Variants in RACGAP1 observed in about 807,000 individuals in gnomAD.
RACGAP1 encodes the protein rac GTPase-activating protein 1.
RACGAP1 carries 30 observed loss-of-function variants against 78.1 expected under a neutral mutation model. That is an observed-to-expected ratio of 0.38 (90% confidence interval 0.29 to 0.52). The LOEUF (loss-of-function observed/expected upper bound fraction) is 0.52. Among genes scored for constraint, RACGAP1 ranks in the 20% least tolerant of loss-of-function variants. The pLI is 0.82. For synonymous variants in RACGAP1, 231 were observed against 264.8 expected (o/e 0.87, Z 1.24); for missense variants, 587 against 777.1 (o/e 0.76, Z 2.91).
At position 49,999,642 on chromosome 12, in the gene RACGAP1, T is replaced by C; in HGVS notation, c.722A>G (p.Tyr241Cys). 1 of 1,614,128 alleles carries C rather than the reference T, an allele frequency of 6.2e-7. No individual in the cohort carries two copies. Among genetic ancestry groups the C allele is most frequent in the South Asian group, 1.1e-5 (1 of 91,080 alleles). The change falls in exon 8 of 17, where the codon TAT (tyrosine) becomes TGT (cysteine). Residue 241 changes from tyrosine (Y) to cysteine (C), a missense_variant. Physicochemically the swap from Tyr to Cys is radical, Grantham distance 194 (BLOSUM62 -2). Coordinates refer to ENST00000312377, the MANE Select transcript of RACGAP1 (RefSeq NM_001319999.2). ...TGTTTTCCTTCGGCTCCTGGTCCAA[T>C]ATGGCACAGTCTCAATAGTGGACAC... The part of the protein sequence containing the change: ...EAVSTIETVP[Y>C]WTRSRRKTGT...
intron 1 of RACGAP1, among the ~76,000 whole-genome samples, chr12:50,032,207 G>T (rs1280573733): frequency 6.6e-6 from 1 of 152,078 alleles, no homozygotes; most frequent in East Asian, 1.9e-4. Context: ...AGGAATAAAT[G>T]AGTTATCCTT....
intron 1 of RACGAP1, among the ~76,000 whole-genome samples, chr12:50,020,013 C>T (rs993929428): frequency 2.6e-5 from 4 of 152,054 alleles, no homozygotes; most frequent in African/African-American, 9.7e-5. Flanking sequence ...AGGTGTTTTC[C>T]CCCCTAGGCT....
At position 49,996,941 on chromosome 12, in the gene RACGAP1, T is replaced by C. The variant is rs1283272182; in HGVS notation, c.1044+99A>G. The C allele has an allele frequency of 2.2e-6, 3 of 1,370,900 alleles. No homozygotes were observed. The East Asian group carries it at 7.8e-5, about 36-fold the overall frequency. 84.9% of individuals were successfully genotyped at this position (1,370,900 alleles called of 1,614,324 possible). ...TCTAGTCATTATTTGTGGAAAGAAA[T>C]ATATTTGAGATGATTAATTTTAGAA... On this transcript the variant is annotated intron_variant, in intron 10 of 16. Coordinates refer to ENST00000312377, the MANE Select transcript of RACGAP1 (RefSeq NM_001319999.2).
chr12:50,020,806 C>T (rs1023985175), intron 1 of RACGAP1, among the ~76,000 whole-genome samples: 7 of 152,262 alleles, frequency 4.6e-5, no homozygotes, highest in East Asian at 1.9e-4. Context: ...TTTAAACAAG[C>T]TGTTCTAGAT....
Position 49,989,805 on chromosome 12 carries a change from G to A in RACGAP1, c.*463C>T, listed in dbSNP as rs1452330752. On this transcript the variant is annotated 3_prime_UTR_variant, in exon 17 of 17. Transcript: ENST00000312377. ...TAGAAGGAGGCATCCTAAATCCTCTGGTCTAATCCTTTCTTTGCCCTGCCC... is the reference window on the plus strand; with the variant it reads ...TAGAAGGAGGCATCCTAAATCCTCTAGTCTAATCCTTTCTTTGCCCTGCCC... 2 of 155,916 alleles carry A rather than the reference G, an allele frequency of 1.3e-5. No individual in the cohort carries two copies. Among genetic ancestry groups the A allele is most frequent in the African/African-American group, 2.4e-5 (1 of 41,476 alleles). The allele number at this position is 155,916 out of a possible 1,614,324, so 9.7% of individuals were successfully genotyped here. A position where few individuals can be genotyped will look rare whatever the true frequency, so the allele number is the denominator to read the frequency against.
chr12:49,999,624 C>T lies in RACGAP1; in HGVS notation c.740G>A (p.Arg247Lys), dbSNP rs1487823955. The part of the protein sequence containing the change: ...ETVPYWTRSR[R>K]KTGTLQPWNS... ...TCACAAATTCAATGGACCTGTTTTC[C>T]TTCGGCTCCTGGTCCAATATGGCAC... Residue 247 changes from arginine (R) to lysine (K), a missense_variant, in exon 8 of 17, where the codon AGG becomes AAG. Coordinates refer to ENST00000312377, the MANE Select transcript of RACGAP1 (RefSeq NM_001319999.2). The T allele has an allele frequency of 1.9e-6, 3 of 1,613,254 alleles. No individual in the cohort carries two copies. The highest frequency in any genetic ancestry group is 1.1e-5 in the South Asian group (1 of 91,064).
intron 1 of RACGAP1, among the ~76,000 whole-genome samples, chr12:50,018,773 T>A (rs1381318041): frequency 6.6e-6 from 1 of 151,588 alleles, no homozygotes; most frequent in Admixed American, 6.6e-5. Context: ...ACTGGTTGTT[T>A]AAAAAAAAGC....
chr12:50,024,946 T>A (rs1008311656), intron 1 of RACGAP1, among the ~76,000 whole-genome samples: 2 of 152,018 alleles, frequency 1.3e-5, no homozygotes, highest in African/African-American at 4.8e-5. Context: ...AAGGACAAGA[T>A]GTCATTGCCT....
chr12:49,992,309 A>C lies in RACGAP1; in HGVS notation c.1514T>G (p.Val505Gly). Residue 505 changes from valine to glycine, a missense_variant, in exon 14 of 17, where the codon GTG becomes GGG. Physicochemically the swap from Val to Gly is moderately radical, Grantham distance 109 (BLOSUM62 -3). Coordinates refer to ENST00000312377, the MANE Select transcript of RACGAP1 (RefSeq NM_001319999.2). ...GTCTGGATTGGGCACAGCATGGGCCACTATTGTAGGGCCAAAGACTTTAGC... is the reference window on the plus strand; with the variant it reads ...GTCTGGATTGGGCACAGCATGGGCCCCTATTGTAGGGCCAAAGACTTTAGC... ...NLAKVFGPTI[V>G]AHAVPNPDPV... 6.2e-7 allele frequency: 1 copy of C among 1,614,192 alleles called. No individual in the cohort carries two copies. The highest frequency in any genetic ancestry group is 8.5e-7 in the Non-Finnish European group (1 of 1,180,004).
At chr12:50,030,375 A>G (rs1950321073), upstream of RACGAP1, among the ~76,000 whole-genome samples, 1 of 149,710 alleles carries the variant, frequency 6.7e-6, no homozygotes, top group African/African-American at 2.5e-5. Context: ...AAGCAGCTAT[A>G]TTTAATCATT....
chr12:50,000,018 A>ATGTCTTTTTTTTTTTT (rs1555172403), intron 7 of RACGAP1, among the ~76,000 whole-genome samples: 1 of 99,642 alleles, frequency 1.0e-5, no homozygotes, highest in Non-Finnish European at 1.9e-5. Context: ...CACCTGACTG[A>ATGTCTTTTTTTTTTTT]TTTTTTTTTT....
rs200373045 is a variant in RACGAP1, at chr12:49,991,977, G to A, written c.1714+21C>T. ...CTAAAGAGAGAGTCAAGTCCCTGAAGAAGCACATCTTGGGCCTTACCTTTA... is the reference window on the plus strand; with the variant it reads ...CTAAAGAGAGAGTCAAGTCCCTGAAAAAGCACATCTTGGGCCTTACCTTTA... On this transcript the variant is annotated intron_variant, in intron 15 of 16. Transcript: ENST00000312377. The A allele has an allele frequency of 2.5e-6, 4 of 1,612,164 alleles. No homozygotes were observed. The East Asian group carries it at 8.9e-5, about 36-fold the overall frequency.
At chr12:50,017,921 C>A (rs1360635403) in intron 1 of RACGAP1, among the ~76,000 whole-genome samples, 1 of 152,114 alleles carries the variant, frequency 6.6e-6, no homozygotes, top group Non-Finnish European at 1.5e-5. Context: ...CTTTGGGAGG[C>A]CCAGGCGGGC....
chr12:50,018,692 A>C, intron 1 of RACGAP1: 7 of 449,622 alleles, frequency 1.6e-5, no homozygotes, highest in South Asian at 2.5e-5. Context: ...AAGACAGCTC[A>C]ATACCACGGC....
intron 2 of RACGAP1, among the ~76,000 whole-genome samples, chr12:50,030,690 G>A (rs1026909778): frequency 6.6e-6 from 1 of 151,984 alleles, no homozygotes; most frequent in Non-Finnish European, 1.5e-5. Context: ...CTCTGTCTCA[G>A]AAACAAAACA....
intron 5 of RACGAP1, among the ~76,000 whole-genome samples, chr12:50,003,260 C>G (rs1388472862): frequency 1.3e-5 from 2 of 152,080 alleles, no homozygotes; most frequent in African/African-American, 4.8e-5. Context: ...TTTAACTTCC[C>G]CAAGTCATGG....
intron 2 of RACGAP1, among the ~76,000 whole-genome samples, chr12:50,008,606 C>T (rs1949122192): frequency 6.6e-6 from 1 of 152,118 alleles, no homozygotes; most frequent in African/African-American, 2.4e-5. Context: ...AACTCTCCTG[C>T]CTCAGCTTCC....
intron 1 of RACGAP1, among the ~76,000 whole-genome samples, chr12:50,018,031 G>A (rs919941891): frequency 1.3e-4 from 20 of 151,932 alleles, no homozygotes; most frequent in Admixed American, 9.8e-4. Flanking sequence ...AGTTATGTGT[G>A]CCTGTAATTC....
At chr12:50,009,147 G>A (rs7306250) in intron 2 of RACGAP1, among the ~76,000 whole-genome samples, 10,868 of 150,042 alleles carry the variant, frequency 0.072, 1,312 homozygotes, top group African/African-American at 0.25. Flanking sequence ...GGTGGTGTGC[G>A]CCTGTAATCC....
Sources: gnomAD v4.1 joint callset for allele counts (sites outside exome capture counted in the v4.1 genomes callset) on GRCh38, gnomAD v4.1.1 for gene constraint, MANE v1.5 for transcripts, NCBI Gene and HGNC (gene_info 2026-07-23, HGNC 2026-07-21) for gene names.